The following ANO10 variants were observed in gnomAD, a reference collection of about 807,000 sequenced individuals.
ANO10 encodes anoctamin-10.
In ANO10, 77 loss-of-function variants were observed where a neutral mutation model predicts 74.7. The observed-to-expected ratio is 1.03, with a 90% CI of 0.86 to 1.25. The LOEUF is 1.25. Among genes scored for constraint, ANO10 ranks in the 50% most tolerant of loss-of-function variants. ANO10 has a pLI of 0.00. For missense variants in ANO10, 721 were observed against 778.1 expected, an observed-to-expected ratio of 0.93 and a Z score of 0.87; for synonymous variants, 279 against 284.9, an observed-to-expected ratio of 0.98 and a Z score of 0.21.
At chr3:43,683,430 G>A (rs1257037678) in intron 1 of ANO10, among the ~76,000 whole-genome samples, 1 of 152,076 alleles carries the variant, frequency 6.6e-6, no homozygotes, top group African/African-American at 2.4e-5. Flanking sequence ...AAACAAAAGA[G>A]GATACAAACA....
intron 10 of ANO10, among the ~76,000 whole-genome samples, chr3:43,551,166 A>C (rs1050341641): frequency 2.0e-5 from 3 of 152,134 alleles, no homozygotes; most frequent in African/African-American, 7.2e-5. Context: ...ACAATTGGTG[A>C]TCTTATAAGT....
At chr3:43,477,276 A>T (rs911237366) in intron 11 of ANO10, among the ~76,000 whole-genome samples, 2 of 152,256 alleles carry the variant, frequency 1.3e-5, no homozygotes, top group African/African-American at 4.8e-5. Context: ...ATTGTAGTGG[A>T]TAAAACTTAG....
At chr3:43,673,452 T>C (rs985413669) in intron 1 of ANO10, among the ~76,000 whole-genome samples, 1 of 152,196 alleles carries the variant, frequency 6.6e-6, no homozygotes, top group Non-Finnish European at 1.5e-5. Flanking sequence ...CTGACCCTGC[T>C]ACAAATGTTC....
At chr3:43,607,654 A>G (rs1252903606) in intron 1 of ANO10, among the ~76,000 whole-genome samples, 1 of 152,252 alleles carries the variant, frequency 6.6e-6, no homozygotes, top group East Asian at 1.9e-4. Flanking sequence ...CTCAATCAGG[A>G]GAAAAGTTAC....
At chr3:43,518,069 T>G (rs2077787600) in intron 11 of ANO10, among the ~76,000 whole-genome samples, 1 of 152,164 alleles carries the variant, frequency 6.6e-6, no homozygotes, top group African/African-American at 2.4e-5. Context: ...ACACGTATGC[T>G]GCAGAGTGAG....
intron 12 of ANO10, among the ~76,000 whole-genome samples, chr3:43,371,415 T>A (rs1293808169): frequency 1.3e-5 from 2 of 152,136 alleles, no homozygotes; most frequent in Non-Finnish European, 2.9e-5. Context: ...CAGCCTTGGG[T>A]GTGCAGGCCT....
chr3:43,499,806 A>G (rs558587029), intron 11 of ANO10, among the ~76,000 whole-genome samples: 1 of 151,944 alleles, frequency 6.6e-6, no homozygotes, highest in Admixed American at 6.6e-5. Context: ...TAAGCAAAAT[A>G]TAGGCTTGTT....
chr3:43,382,513 C>T (rs1415369571), intron 12 of ANO10, among the ~76,000 whole-genome samples: 8 of 140,840 alleles, frequency 5.7e-5, no homozygotes, highest in East Asian at 4.0e-4. Context: ...AGCGAGACTC[C>T]GTCTCAAAAA....
chr3:43,546,516 G>A (rs374636440), intron 11 of ANO10, among the ~76,000 whole-genome samples: 1 of 152,076 alleles, frequency 6.6e-6, no homozygotes, highest in African/African-American at 2.4e-5. Context: ...CCAAGACCAC[G>A]CATTAGAGAA....
At position 43,600,675 on chromosome 3, in the gene ANO10, GAAGAAA is replaced by G. The variant is rs1294982135; in HGVS notation, c.140-100_140-95del. The G allele has an allele frequency of 4.3e-5, 46 of 1,074,292 alleles. No homozygotes were observed. The East Asian group carries it at 1.2e-3, about 27-fold the overall frequency. 66.5% of individuals were successfully genotyped at this position (1,074,292 alleles called of 1,614,324 possible). A position where few individuals can be genotyped will look rare whatever the true frequency, so the allele number is the denominator to read the frequency against. ...TAAATATAATGTTTCTAGTCTGGTA[GAAGAAA>G]AAGAAATTATATTAGCAATTTAAAT... On this transcript the variant is annotated intron_variant, in intron 2 of 12. Transcript: ENST00000292246.
chr3:43,611,968 A>G (rs1214105337), intron 1 of ANO10, among the ~76,000 whole-genome samples: 1 of 151,686 alleles, frequency 6.6e-6, no homozygotes, highest in East Asian at 1.9e-4. Flanking sequence ...ACTTCCATTT[A>G]AATTCAAAGT....
At chr3:43,541,664 C>G (rs1268105531) in intron 11 of ANO10, among the ~76,000 whole-genome samples, 1 of 152,090 alleles carries the variant, frequency 6.6e-6, no homozygotes, top group Non-Finnish European at 1.5e-5. Context: ...AAACGTTTAA[C>G]AAGCAGTTAC....
At chr3:43,381,082 A>G (rs1035401046) in intron 12 of ANO10, among the ~76,000 whole-genome samples, 1 of 152,116 alleles carries the variant, frequency 6.6e-6, no homozygotes, top group Admixed American at 6.5e-5. Flanking sequence ...CTCACCCGCC[A>G]CCATGAGAAG....
chr3:43,380,451 C>T (rs187858019), intron 12 of ANO10, among the ~76,000 whole-genome samples: 103 of 152,240 alleles, frequency 6.8e-4, no homozygotes, highest in African/African-American at 2.4e-3. Context: ...AGGTAACCTA[C>T]AAAGGAACCT....
chr3:43,366,057 G>GCAAGCC lies in ANO10; in HGVS notation c.*843_*848dup, dbSNP rs2091403406. ...CTGGGCAAGGAGGGCCCTTTTCTCT[G>GCAAGCC]CAAGCCCAAGCCCAGGCCAGGGCAC... On this transcript the variant is annotated 3_prime_UTR_variant, in exon 13 of 13. Transcript: ENST00000292246. The GCAAGCC allele has an allele frequency of 6.5e-6, 1 of 152,760 alleles. No homozygotes were observed. The highest frequency in any genetic ancestry group is 6.5e-5 in the Admixed American group (1 of 15,304). The allele number at this position is 152,760 out of a possible 1,614,324, so 9.5% of individuals were successfully genotyped here. A position where few individuals can be genotyped will look rare whatever the true frequency, so the allele number is the denominator to read the frequency against.
intron 12 of ANO10, among the ~76,000 whole-genome samples, chr3:43,379,876 A>G (rs895527546): frequency 1.3e-5 from 2 of 152,258 alleles, no homozygotes; most frequent in South Asian, 4.1e-4. Flanking sequence ...AAGGTTGACT[A>G]TTAAGCCAAT....
intron 1 of ANO10, among the ~76,000 whole-genome samples, chr3:43,680,422 T>C (rs2084179864): frequency 6.6e-6 from 1 of 152,156 alleles, no homozygotes; most frequent in African/African-American, 2.4e-5. Flanking sequence ...CCAAGAAATA[T>C]GGGACTATGT....
At chr3:43,658,742 ACAG>A (rs1484746878) in intron 1 of ANO10, among the ~76,000 whole-genome samples, 1 of 152,172 alleles carries the variant, frequency 6.6e-6, no homozygotes, top group East Asian at 1.9e-4. Flanking sequence ...TGCTGGGACC[ACAG>A]GCATTAGCCA....
chr3:43,448,923 G>GC (rs1186104711), intron 11 of ANO10, among the ~76,000 whole-genome samples: 1 of 147,916 alleles, frequency 6.8e-6, no homozygotes, highest in Non-Finnish European at 1.5e-5. Flanking sequence ...CCAGGCTGGA[G>GC]CGCAGTGGTG....
Sources: allele counts gnomAD v4.1 joint callset (sites outside exome capture counted in the v4.1 genomes callset), GRCh38; gene constraint gnomAD v4.1.1; transcripts MANE v1.5; gene names NCBI Gene and HGNC (gene_info 2026-07-23, HGNC 2026-07-21).